The following FOXP1 variants were observed in gnomAD, a reference collection of about 807,000 sequenced individuals.
FOXP1 encodes forkhead box P1.
A neutral mutation model predicts 98.2 loss-of-function variants in FOXP1; 15 were observed. The ratio of observed to expected loss-of-function variants is 0.15; its 90% CI spans 0.10 to 0.24. FOXP1 has a LOEUF of 0.24. Among genes scored for constraint, FOXP1 ranks in the 10% least tolerant of loss-of-function variants. The probability of loss-of-function intolerance (pLI) is 1.00; values close to 1 mark genes in which losing one functional copy is unlikely to be tolerated. For missense variants in FOXP1, 633 were observed against 848.5 expected, an observed-to-expected ratio of 0.75 and a Z score of 3.15; for synonymous variants, 371 against 314.5, an observed-to-expected ratio of 1.18 and a Z score of -1.90.
intron 5 of FOXP1, among the ~76,000 whole-genome samples, chr3:71,236,398 G>C (rs145020927): frequency 1.3e-5 from 2 of 152,192 alleles, no homozygotes; most frequent in South Asian, 4.2e-4. Context: ...TGCAGTTCTC[G>C]ATTGACTTTT....
intron 7 of FOXP1, among the ~76,000 whole-genome samples, chr3:71,087,895 T>C (rs1245287611): frequency 6.6e-6 from 1 of 152,154 alleles, no homozygotes; most frequent in Non-Finnish European, 1.5e-5. Context: ...AAATACCTGT[T>C]TGCATGTATA....
intron 3 of FOXP1, among the ~76,000 whole-genome samples, chr3:71,384,118 C>CT (rs2080388316): frequency 6.6e-6 from 1 of 152,110 alleles, no homozygotes; most frequent in Non-Finnish European, 1.5e-5. Flanking sequence ...ATGTGGGAGG[C>CT]TGAGGCAGGA....
intron 6 of FOXP1, among the ~76,000 whole-genome samples, chr3:71,134,712 C>T (rs2059734479): frequency 6.6e-6 from 1 of 152,112 alleles, no homozygotes; most frequent in South Asian, 2.1e-4. Context: ...GCTGCTCTGC[C>T]AAGTTATGCT....
chr3:71,276,306 G>C (rs2070881821), intron 5 of FOXP1: 1 of 152,242 alleles, frequency 6.6e-6, no homozygotes, highest in Non-Finnish European at 1.5e-5. Context: ...TCAAAAGGTA[G>C]TCTGTGAGCT....
intron 6 of FOXP1, among the ~76,000 whole-genome samples, chr3:71,196,365 T>C (rs2063300682): frequency 6.6e-6 from 1 of 152,110 alleles, no homozygotes; most frequent in Non-Finnish European, 1.5e-5. Context: ...GTTATCACTG[T>C]TGTGTGTGTG....
chr3:70,964,589 A>G (rs1037944442), intron 20 of FOXP1, among the ~76,000 whole-genome samples: 7 of 152,236 alleles, frequency 4.6e-5, no homozygotes, highest in African/African-American at 1.7e-4. Context: ...TGTCATGACA[A>G]TGATTTAAGA....
At chr3:71,216,761 A>AAC (rs1478023434) in intron 5 of FOXP1, among the ~76,000 whole-genome samples, 1 of 152,184 alleles carries the variant, frequency 6.6e-6, no homozygotes, top group Non-Finnish European at 1.5e-5. Context: ...TTAAAAAAAA[A>AAC]ATCAGGGAAA....
chr3:71,049,691 G>T (rs2049576238), intron 9 of FOXP1, among the ~76,000 whole-genome samples: 1 of 152,102 alleles, frequency 6.6e-6, no homozygotes, highest in African/African-American at 2.4e-5. Context: ...AATGACTGGG[G>T]ACTCAGTAAA....
At chr3:71,230,437 A>C (rs986599106) in intron 5 of FOXP1, among the ~76,000 whole-genome samples, 16 of 152,160 alleles carry the variant, frequency 1.1e-4, no homozygotes, top group African/African-American at 2.4e-4. Context: ...ATGAATGATT[A>C]AAGTCTTTAA....
At chr3:71,134,766 G>C (rs1044101673) in intron 6 of FOXP1, among the ~76,000 whole-genome samples, 1 of 152,110 alleles carries the variant, frequency 6.6e-6, no homozygotes, top group Non-Finnish European at 1.5e-5. Context: ...CAGCAGAAAG[G>C]GGGGAAAAGC....
At chr3:70,974,109 T>C (rs2036978467) in intron 17 of FOXP1, among the ~76,000 whole-genome samples, 2 of 152,030 alleles carry the variant, frequency 1.3e-5, no homozygotes, top group African/African-American at 4.8e-5. Flanking sequence ...AGTTTTTGAG[T>C]AATGTCAGCA....
chr3:70,964,531 C>T (rs2034316486), intron 20 of FOXP1, among the ~76,000 whole-genome samples: 1 of 152,186 alleles, frequency 6.6e-6, no homozygotes, highest in Admixed American at 6.5e-5. Context: ...GTAGCTTATA[C>T]CAATTTACGT....
intron 2 of FOXP1, among the ~76,000 whole-genome samples, chr3:71,567,056 A>C (rs983447998): frequency 1.3e-5 from 2 of 152,180 alleles, no homozygotes; most frequent in African/African-American, 4.8e-5. Flanking sequence ...GAGGATAGGA[A>C]AAAAGAGGCT....
intron 13 of FOXP1, among the ~76,000 whole-genome samples, chr3:70,996,883 G>A (rs1399110310): frequency 6.6e-6 from 1 of 152,206 alleles, no homozygotes; most frequent in Non-Finnish European, 1.5e-5. Flanking sequence ...GTGAGTCTGA[G>A]TGGCAGGGGA....
At chr3:71,178,247 G>A (rs911456709) in intron 6 of FOXP1, among the ~76,000 whole-genome samples, 16 of 150,198 alleles carry the variant, frequency 1.1e-4, no homozygotes, top group Non-Finnish European at 1.8e-4. Context: ...CAATTCCCCT[G>A]CCTCAGTCTC....
At chr3:71,173,717 G>T (rs1252842853) in intron 6 of FOXP1, among the ~76,000 whole-genome samples, 1 of 152,162 alleles carries the variant, frequency 6.6e-6, no homozygotes, top group Admixed American at 6.5e-5. Context: ...ATTAGATGTG[G>T]AGATGAGGGC....
intron 3 of FOXP1, among the ~76,000 whole-genome samples, chr3:71,373,481 A>T (rs1378311502): frequency 6.6e-6 from 1 of 152,210 alleles, no homozygotes; most frequent in Non-Finnish European, 1.5e-5. Context: ...CATTGGTTAG[A>T]AGTTCAAGTG....
chr3:71,581,115 G>A, intron 2 of FOXP1: 3 of 975,280 alleles, frequency 3.1e-6, no homozygotes, highest in Non-Finnish European at 3.7e-6. Context: ...TGGGTCTTCT[G>A]GTAGAGCAAA....
chr3:71,500,699 A>T (rs2041271221), intron 2 of FOXP1, among the ~76,000 whole-genome samples: 1 of 152,192 alleles, frequency 6.6e-6, no homozygotes, highest in Admixed American at 6.5e-5. Flanking sequence ...ACTAAAAAAG[A>T]AAGAGTTGGT....
Sources: gnomAD v4.1 joint callset for allele counts (sites outside exome capture counted in the v4.1 genomes callset) on GRCh38, gnomAD v4.1.1 for gene constraint, MANE v1.5 for transcripts, NCBI Gene and HGNC (gene_info 2026-07-23, HGNC 2026-07-21) for gene names.